NPAS3: variants seen among roughly 807,000 people sequenced by gnomAD.
NPAS3 encodes neuronal PAS domain-containing protein 3.
Under a neutral mutation model 73.1 loss-of-function variants are expected in NPAS3, and 14 were observed. The observed-to-expected ratio is 0.19, with a 90% CI of 0.13 to 0.30. The LOEUF is 0.30. Among genes scored for constraint, NPAS3 ranks in the 10% least tolerant of loss-of-function variants. The pLI, the probability that NPAS3 is intolerant of heterozygous loss-of-function variation, is 1.00. For synonymous variants in NPAS3, 620 were observed against 541.5 expected, an observed-to-expected ratio of 1.14 and a Z score of -2.01; for missense variants, 1,096 against 1,250.0, an observed-to-expected ratio of 0.88 and a Z score of 1.86.
rs750292180 is a variant in NPAS3, at chr14:33,800,944, C to G, written c.2637C>G (p.Leu879=). 9 of 1,606,492 alleles carry G rather than the reference C, an allele frequency of 5.6e-6. No individual in the cohort carries two copies. The highest frequency in any genetic ancestry group is 5.0e-5 in the Admixed American group (3 of 59,466). Reference sequence around the variant, plus strand: ...TGCTCTACCACCACGTGCACCGGCTCAACATGTCAGGACCGTTCGGCGGCG... The same window carrying G: ...TGCTCTACCACCACGTGCACCGGCTGAACATGTCAGGACCGTTCGGCGGCG... The change falls in exon 12 of 12, where the codon CTC becomes CTG. Residue 879 remains leucine (L), a synonymous_variant. Transcript: ENST00000356141. The surrounding 1 kb of genome is among the most constrained non-coding windows in gnomAD (Gnocchi z 6.5).
intron 4 of NPAS3, among the ~76,000 whole-genome samples, chr14:33,549,232 CTATTT>C (rs1213191984): frequency 6.6e-6 from 1 of 152,086 alleles, no homozygotes; most frequent in African/African-American, 2.4e-5. Context: ...ATTTGAGCAC[CTATTT>C]TATTTTACTT....
intron 3 of NPAS3, among the ~76,000 whole-genome samples, chr14:33,305,371 A>G (rs757479564): frequency 2.6e-5 from 4 of 152,088 alleles, no homozygotes; most frequent in Non-Finnish European, 5.9e-5. Context: ...AAACACCACT[A>G]TGGAAATCAA....
intron 2 of NPAS3, among the ~76,000 whole-genome samples, chr14:33,072,427 C>T (rs577806450): frequency 2.0e-5 from 3 of 152,188 alleles, no homozygotes; most frequent in African/African-American, 7.2e-5. Context: ...ATAATATGAA[C>T]ACGAAAAACA....
chr14:33,705,451 C>G (rs1042716999), intron 6 of NPAS3, among the ~76,000 whole-genome samples: 1 of 152,202 alleles, frequency 6.6e-6, no homozygotes, highest in Non-Finnish European at 1.5e-5. Flanking sequence ...TTGTTCAACA[C>G]TGAATTTATC....
intron 4 of NPAS3, among the ~76,000 whole-genome samples, chr14:33,541,155 AAC>A (rs2054500376): frequency 1.3e-5 from 2 of 150,716 alleles, no homozygotes. Context: ...TAGTAATAGG[AAC>A]ACACAACCTG....
intron 3 of NPAS3, among the ~76,000 whole-genome samples, chr14:33,241,084 T>C (rs2048200122): frequency 6.6e-6 from 1 of 151,890 alleles, no homozygotes; most frequent in South Asian, 2.1e-4. Flanking sequence ...CTTTTAAGAG[T>C]GCTTCTGGTT....
At chr14:32,966,232 C>T (rs549973390) in intron 1 of NPAS3, among the ~76,000 whole-genome samples, 2 of 152,196 alleles carry the variant, frequency 1.3e-5, no homozygotes, top group Non-Finnish European at 2.9e-5. Context: ...CATAAAGTCC[C>T]TGAATAGCTA....
At chr14:33,789,197 G>A (rs1387712957) in intron 9 of NPAS3, among the ~76,000 whole-genome samples, 2 of 152,154 alleles carry the variant, frequency 1.3e-5, no homozygotes, top group Non-Finnish European at 2.9e-5. Context: ...TCAACCAGGA[G>A]GATTTAAATC....
intron 3 of NPAS3, among the ~76,000 whole-genome samples, chr14:33,296,463 C>T (rs1217753120): frequency 6.6e-6 from 1 of 152,168 alleles, no homozygotes; most frequent in Non-Finnish European, 1.5e-5. Flanking sequence ...CATTTCTTTT[C>T]TGGTGTTAAT....
At chr14:33,457,653 A>G (rs1287378809) in intron 4 of NPAS3, among the ~76,000 whole-genome samples, 1 of 152,136 alleles carries the variant, frequency 6.6e-6, no homozygotes, top group Non-Finnish European at 1.5e-5. Flanking sequence ...AGGCAAAGTG[A>G]TAAGAGGTCC....
intron 5 of NPAS3, among the ~76,000 whole-genome samples, chr14:33,589,555 C>T (rs2056988552): frequency 6.6e-6 from 1 of 152,178 alleles, no homozygotes; most frequent in African/African-American, 2.4e-5. Context: ...GTGCTCAGCT[C>T]ATACCAGTGA....
chr14:33,365,458 CT>C (rs1227357144), intron 3 of NPAS3, among the ~76,000 whole-genome samples: 2 of 152,062 alleles, frequency 1.3e-5, no homozygotes, highest in African/African-American at 4.8e-5. Flanking sequence ...TGTAAAAACC[CT>C]ATGTCTATAT....
chr14:33,450,976 T>C (rs1226939703), intron 4 of NPAS3, among the ~76,000 whole-genome samples: 2 of 152,202 alleles, frequency 1.3e-5, no homozygotes, highest in Non-Finnish European at 2.9e-5. Flanking sequence ...TTTGAAATAA[T>C]GGTATTAGAT....
intron 4 of NPAS3, among the ~76,000 whole-genome samples, chr14:33,444,047 C>T (rs2049372312): frequency 6.6e-6 from 1 of 152,056 alleles, no homozygotes; most frequent in African/African-American, 2.4e-5. Context: ...TATTTTTTTC[C>T]ATTTTAGTAG....
intron 9 of NPAS3, among the ~76,000 whole-genome samples, chr14:33,787,437 A>G (rs1487290887): frequency 2.0e-5 from 3 of 152,120 alleles, no homozygotes; most frequent in South Asian, 2.1e-4. Flanking sequence ...ACAGATAGCA[A>G]TTCAAGCAGG....
intron 3 of NPAS3, among the ~76,000 whole-genome samples, chr14:33,220,156 G>A (rs909965617): frequency 1.1e-4 from 17 of 152,168 alleles, no homozygotes; most frequent in African/African-American, 3.9e-4. Context: ...CTCCTACAGG[G>A]CTAGACGAGT....
chr14:33,335,033 T>TGTGTGTGC (rs752712637), intron 3 of NPAS3, among the ~76,000 whole-genome samples: 3,421 of 54,294 alleles, frequency 0.063, 43 homozygotes, highest in South Asian at 0.13. Context: ...TATTCCATTG[T>TGTGTGTGC]GTGTGTGTGC....
chr14:33,468,613 GT>G (rs2050638841), intron 4 of NPAS3, among the ~76,000 whole-genome samples: 1 of 152,118 alleles, frequency 6.6e-6, no homozygotes, highest in African/African-American at 2.4e-5. Flanking sequence ...TTCTCAGCAG[GT>G]TTAACTCATA....
chr14:33,380,131 CAAA>C (rs1321854179), intron 4 of NPAS3, among the ~76,000 whole-genome samples: 1 of 151,658 alleles, frequency 6.6e-6, no homozygotes, highest in Non-Finnish European at 1.5e-5. Flanking sequence ...GTAGATCAAC[CAAA>C]ATAAAATTCT....
Sources: gnomAD v4.1 joint callset for allele counts (sites outside exome capture counted in the v4.1 genomes callset) on GRCh38, gnomAD v4.1.1 for gene constraint, Gnocchi (gnomAD v3.1) non-coding constraint, MANE v1.5 for transcripts, NCBI Gene and HGNC (gene_info 2026-07-23, HGNC 2026-07-21) for gene names.